The following NXPE2 variants were observed in gnomAD, a reference collection of about 807,000 sequenced individuals.
NXPE2 encodes NXPE family member 2.
NXPE2 carries 34 observed loss-of-function variants against 34.4 expected under a neutral mutation model. That is an observed-to-expected ratio of 0.99 (90% CI 0.75 to 1.31). The LOEUF is 1.31. NXPE2 is among the 40% of genes most tolerant of loss of function. The pLI is 0.00. For missense variants in NXPE2, 649 were observed against 672.5 expected, an observed-to-expected ratio of 0.97 and a Z score of 0.39; for synonymous variants, 235 against 231.3, an observed-to-expected ratio of 1.02 and a Z score of -0.15.
the NXPE2 span, among the ~76,000 whole-genome samples, chr11:114,616,022 C>T: frequency 9.8e-4 from 149 of 151,806 alleles, 2 homozygotes; most frequent in South Asian, 9.3e-3. Context: ...AGTATTGCCT[C>T]GTGGGTAACC....
At chr11:114,604,031 A>C in the NXPE2 span, among the ~76,000 whole-genome samples, 1 of 151,992 alleles carries the variant, frequency 6.6e-6, no homozygotes, top group Non-Finnish European at 1.5e-5. Flanking sequence ...GGTGGATAAC[A>C]GTATTGCCTC....
chr11:114,577,460 G>A, the NXPE2 span, among the ~76,000 whole-genome samples: 5 of 152,018 alleles, frequency 3.3e-5, no homozygotes, highest in Non-Finnish European at 5.9e-5. Context: ...ACACTGCTCG[G>A]GCGATGGGTG....
At chr11:114,676,907 T>G (rs974410648), upstream of NXPE2, among the ~76,000 whole-genome samples, 5 of 152,096 alleles carry the variant, frequency 3.3e-5, no homozygotes, top group South Asian at 6.2e-4. Context: ...TATATACACA[T>G]AAACAGTTGG....
chr11:114,618,253 C>G, the NXPE2 span, among the ~76,000 whole-genome samples: 1 of 151,952 alleles, frequency 6.6e-6, no homozygotes, highest in Admixed American at 6.6e-5. Flanking sequence ...TATGGGTAAC[C>G]ACTGCTACCC....
chr11:114,781,529 TTGG>T, the NXPE2 span, among the ~76,000 whole-genome samples: 1 of 151,772 alleles, frequency 6.6e-6, no homozygotes, highest in Admixed American at 6.6e-5. Flanking sequence ...GTAAAATGAG[TTGG>T]TGGGAGATAA....
chr11:114,744,734 C>G, the NXPE2 span, among the ~76,000 whole-genome samples: 10 of 152,156 alleles, frequency 6.6e-5, no homozygotes, highest in East Asian at 1.9e-3. Flanking sequence ...CTCTTGAGCC[C>G]AGGAGGTTGA....
chr11:114,606,504 G>T, the NXPE2 span, among the ~76,000 whole-genome samples: 1 of 151,438 alleles, frequency 6.6e-6, no homozygotes, highest in Non-Finnish European at 1.5e-5. Context: ...AATAAGTGTT[G>T]CCTCTAGGGT....
the NXPE2 span, chr11:114,583,440 A>T: frequency 1.5e-6 from 1 of 669,906 alleles, no homozygotes; most frequent in Non-Finnish European, 2.8e-6. Context: ...AATGCTGAGG[A>T]GATGACCAAG....
chr11:114,522,636 C>T, the NXPE2 span: 4 of 767,330 alleles, frequency 5.2e-6, no homozygotes, highest in Admixed American at 3.0e-5. Flanking sequence ...CTCTAGGGTA[C>T]AGTACCCCCA....
the NXPE2 span, chr11:114,580,403 A>G: frequency 7.1e-7 from 1 of 1,405,130 alleles, no homozygotes; most frequent in Non-Finnish European, 1.0e-6. Flanking sequence ...ATGTATTAAG[A>G]GCCTTCTATC....
chr11:114,633,217 T>C, the NXPE2 span, among the ~76,000 whole-genome samples: 36 of 133,304 alleles, frequency 2.7e-4, no homozygotes, highest in African/African-American at 8.2e-4. Flanking sequence ...TATATTACAT[T>C]ATATATATAA....
chr11:114,596,479 CA>C, the NXPE2 span, among the ~76,000 whole-genome samples: 1 of 152,144 alleles, frequency 6.6e-6, no homozygotes, highest in Non-Finnish European at 1.5e-5. Context: ...TCAATCTTTC[CA>C]GTCTTATGTT....
chr11:114,746,912 C>T, the NXPE2 span, among the ~76,000 whole-genome samples: 4 of 144,634 alleles, frequency 2.8e-5, no homozygotes, highest in East Asian at 8.1e-4. Flanking sequence ...CCACAAAGAA[C>T]ACCTTCCTTT....
At chr11:114,636,974 T>C in the NXPE2 span, among the ~76,000 whole-genome samples, 1 of 152,174 alleles carries the variant, frequency 6.6e-6, no homozygotes, top group African/African-American at 2.4e-5. Flanking sequence ...AGATGTCTAT[T>C]AGGTCCACTT....
At chr11:114,796,169 C>A in the NXPE2 span, among the ~76,000 whole-genome samples, 1 of 152,076 alleles carries the variant, frequency 6.6e-6, no homozygotes, top group East Asian at 1.9e-4. Context: ...AACATAAAAG[C>A]TTTTTGCATT....
chr11:114,613,124 G>T, the NXPE2 span, among the ~76,000 whole-genome samples: 1 of 151,394 alleles, frequency 6.6e-6, no homozygotes, highest in Non-Finnish European at 1.5e-5. Context: ...TAACCAGGTG[G>T]ATAATAAGTA....
chr11:114,577,309 A>C, the NXPE2 span, among the ~76,000 whole-genome samples: 1 of 151,676 alleles, frequency 6.6e-6, no homozygotes, highest in African/African-American at 2.4e-5. Context: ...ATGGAAAACC[A>C]AGCATCGTAT....
At chr11:114,513,626 T>C in the NXPE2 span, among the ~76,000 whole-genome samples, 1 of 152,316 alleles carries the variant, frequency 6.6e-6, no homozygotes, top group East Asian at 1.9e-4. Context: ...GTAAATCACA[T>C]GAGTCAGTTG....
the NXPE2 span, among the ~76,000 whole-genome samples, chr11:114,793,031 C>T: frequency 3.9e-5 from 6 of 152,126 alleles, no homozygotes; most frequent in African/African-American, 1.2e-4. Flanking sequence ...AAAAGCACCT[C>T]TTTATGTTGA....
Sources: gnomAD v4.1 joint callset for allele counts (sites outside exome capture counted in the v4.1 genomes callset) on GRCh38, gnomAD v4.1.1 for gene constraint, MANE v1.5 for transcripts, NCBI Gene and HGNC (gene_info 2026-07-23, HGNC 2026-07-21) for gene names.